Variants in VPS13A observed in about 807,000 individuals in gnomAD.
The protein encoded by VPS13A is vacuolar protein sorting 13 homolog A, also known as intermembrane lipid transfer protein VPS13A.
In VPS13A, 264 loss-of-function variants were observed where a neutral mutation model predicts 390.9. That is an observed-to-expected ratio of 0.68 (90% CI 0.61 to 0.75). The LOEUF (loss-of-function observed/expected upper bound fraction) is 0.75, where lower values mean the gene tolerates loss of function less well. Among genes scored for constraint, VPS13A ranks in the 30% least tolerant of loss-of-function variants. The probability of loss-of-function intolerance (pLI) is 0.00; values close to 1 mark genes in which losing one functional copy is unlikely to be tolerated. For synonymous variants in VPS13A, 1,231 were observed against 1,227.1 expected, an observed-to-expected ratio of 1.00 and a Z score of -0.07; for missense variants, 3,409 against 3,733.9, an observed-to-expected ratio of 0.91 and a Z score of 2.27.
intron 5 of VPS13A, among the ~76,000 whole-genome samples, chr9:77,206,719 T>G (rs1443581212): frequency 6.6e-6 from 1 of 152,190 alleles, no homozygotes; most frequent in Non-Finnish European, 1.5e-5. Flanking sequence ...ACGCTGTTCT[T>G]TATCTTGAAA....
chr9:77,294,349 C>T (rs1827852826), intron 32 of VPS13A, among the ~76,000 whole-genome samples: 2 of 152,048 alleles, frequency 1.3e-5, no homozygotes, highest in African/African-American at 4.8e-5. Context: ...CATTTTGTTT[C>T]GGTTTTTGTT....
rs776724808 is a variant in VPS13A, at chr9:77,206,329, T to TATATATATATA, written c.385+250_385+251insATATATATATA. Among the ~76,000 whole-genome samples the TATATATATATA allele has an allele frequency of 1.1e-3, 163 of 146,586 alleles. 3 individuals are homozygous for TATATATATATA. The South Asian group carries it at 0.027, about 24-fold the overall frequency. On this transcript the variant is annotated intron_variant, in intron 5 of 71. Transcript: ENST00000360280. The stretch of plus-strand genomic sequence containing the variant: ...TATTATTATTAGGTTTACATATTTT[T>TATATATATATA]TATATATATATATATACACACACAC...
At chr9:77,296,554 C>G (rs1016129856) in intron 33 of VPS13A, among the ~76,000 whole-genome samples, 3 of 152,146 alleles carry the variant, frequency 2.0e-5, no homozygotes, top group Admixed American at 2.0e-4. Flanking sequence ...CTCCCATTCT[C>G]TACTTCTCTT....
At chr9:77,413,654 G>C (rs894749153) in intron 71 of VPS13A, among the ~76,000 whole-genome samples, 4 of 152,082 alleles carry the variant, frequency 2.6e-5, no homozygotes, top group African/African-American at 9.7e-5. Context: ...GAAAACTTAG[G>C]CAATACCATT....
chr9:77,195,543 C>G (rs1466545265), intron 1 of VPS13A, among the ~76,000 whole-genome samples: 2 of 152,118 alleles, frequency 1.3e-5, no homozygotes, highest in Non-Finnish European at 2.9e-5. Context: ...TCGAGACCAG[C>G]TTGGCCAACA....
chr9:77,392,152 C>T (rs1833921653), intron 68 of VPS13A, among the ~76,000 whole-genome samples: 1 of 152,150 alleles, frequency 6.6e-6, no homozygotes, highest in African/African-American at 2.4e-5. Context: ...ATCAGAGACA[C>T]CTAAAATATG....
intron 22 of VPS13A, among the ~76,000 whole-genome samples, chr9:77,256,495 T>C (rs1457241082): frequency 6.6e-6 from 1 of 152,172 alleles, no homozygotes. Flanking sequence ...TATGTCATTT[T>C]AGTCCAGTTG....
rs189197200 is a variant in VPS13A, at chr9:77,198,089, A to G, written c.101-1856A>G. ...AACAAACAGTGGCAGGCAGGCTCTC[A>G]GTCTCCACCTACAATGCTGTGTTTT... On this transcript the variant is annotated intron_variant, in intron 1 of 71. Coordinates refer to ENST00000360280, the MANE Select transcript of VPS13A (RefSeq NM_033305.3). 6.6e-5 allele frequency among the ~76,000 whole-genome samples: 10 copies of G among 152,312 alleles called. No homozygotes were observed. The East Asian group carries it at 1.9e-3, about 29-fold the overall frequency.
intron 50 of VPS13A, among the ~76,000 whole-genome samples, chr9:77,342,145 A>C (rs1830863458): frequency 6.6e-6 from 1 of 152,156 alleles, no homozygotes; most frequent in Non-Finnish European, 1.5e-5. Flanking sequence ...TCGAGAGCTC[A>C]GCTGAGGAGG....
At chr9:77,259,124 A>G (rs1292402660) in intron 22 of VPS13A, among the ~76,000 whole-genome samples, 1 of 152,164 alleles carries the variant, frequency 6.6e-6, no homozygotes, top group Non-Finnish European at 1.5e-5. Context: ...TGTGAGCAGT[A>G]TAAAGTGGAT....
intron 52 of VPS13A, among the ~76,000 whole-genome samples, chr9:77,348,115 C>T (rs1406123659): frequency 2.0e-5 from 3 of 152,138 alleles, no homozygotes; most frequent in African/African-American, 4.8e-5. Context: ...CAGCAGTCCC[C>T]TTCCTGGGTA....
chr9:77,325,484 G>A (rs1374273745), intron 45 of VPS13A, among the ~76,000 whole-genome samples: 1 of 146,538 alleles, frequency 6.8e-6, no homozygotes, highest in Non-Finnish European at 1.5e-5. Context: ...TAAAGTTGTT[G>A]TTGATATGGT....
rs564879038 is a variant in VPS13A, at chr9:77,363,395, T to A, written c.8212-2065T>A. 7.7e-3 allele frequency among the ~76,000 whole-genome samples: 711 copies of A among 92,428 alleles called. 6 individuals carry two copies. The highest frequency in any genetic ancestry group is 0.034 in the African/African-American group (638 of 18,852). 60.6% of individuals were successfully genotyped at this position (92,428 alleles called of 152,430 possible). A position where few individuals can be genotyped will look rare whatever the true frequency, so the allele number is the denominator to read the frequency against. ...TGATATGTTTTATTACATTAATTTT[T>A]TTTTTTTTATTTTTTTTTTTTTTTG... On this transcript the variant is annotated intron_variant, in intron 59 of 71. Coordinates refer to ENST00000360280, the MANE Select transcript of VPS13A (RefSeq NM_033305.3).
chr9:77,200,479 ACT>A (rs1825265612), intron 2 of VPS13A, among the ~76,000 whole-genome samples: 1 of 152,154 alleles, frequency 6.6e-6, no homozygotes, highest in African/African-American at 2.4e-5. Context: ...ACAGAGTGAG[ACT>A]CTGTCTCAAA....
chr9:77,282,063 A>C, intron 28 of VPS13A, 58 bp from the exon 29 acceptor site: 1 of 1,554,894 alleles, frequency 6.4e-7, no homozygotes, highest in Non-Finnish European at 8.9e-7. Context: ...AGTGCCTTGT[A>C]GAGAGCTGGC....
Position 77,403,373 on chromosome 9 carries a change from G to T in VPS13A, c.9275+52G>T. ...ATTTTATAAGGGGTTAACTGACAGC[G>T]ACTCATGAGGTGAAGATTTGTTATT... On this transcript the variant is annotated intron_variant, in intron 69 of 71. Transcript: ENST00000360280. 2.2e-6 allele frequency: 3 copies of T among 1,386,144 alleles called. No individual in the cohort carries two copies. The South Asian group carries it at 3.5e-5, about 16-fold the overall frequency. The allele number at this position is 1,386,144 out of a possible 1,614,324, so 85.9% of individuals were successfully genotyped here. A position where few individuals can be genotyped will look rare whatever the true frequency, so the allele number is the denominator to read the frequency against.
chr9:77,309,629 G>A (rs999943482), intron 35 of VPS13A, among the ~76,000 whole-genome samples: 10 of 152,084 alleles, frequency 6.6e-5, no homozygotes, highest in Admixed American at 5.2e-4. Context: ...TAAAAGTTAC[G>A]TGAATGTGGT....
At chr9:77,340,142 C>A in intron 48 of VPS13A, 36 bp from the exon 49 acceptor site, 5 of 1,581,954 alleles carry the variant, frequency 3.2e-6, no homozygotes, top group Non-Finnish European at 4.3e-6. Context: ...TTAAAGGTAC[C>A]TAAATTGTGA....
chr9:77,331,583 G>A (rs1465958991), intron 45 of VPS13A, among the ~76,000 whole-genome samples: 1 of 151,798 alleles, frequency 6.6e-6, no homozygotes, highest in Non-Finnish European at 1.5e-5. Context: ...GGCTTTTTGA[G>A]TGTGGTGGTT....
Sources: gnomAD v4.1 joint callset for allele counts (sites outside exome capture counted in the v4.1 genomes callset) on GRCh38, gnomAD v4.1.1 for gene constraint, MANE v1.5 for transcripts, NCBI Gene and HGNC (gene_info 2026-07-23, HGNC 2026-07-21) for gene names.